HSDL2: variants seen among roughly 807,000 people sequenced by gnomAD.
HSDL2 encodes the protein hydroxysteroid dehydrogenase like 2, also known as hydroxysteroid dehydrogenase-like protein 2.
HSDL2 carries 27 observed loss-of-function variants against 46.3 expected under a neutral mutation model. The ratio of observed to expected loss-of-function variants is 0.58; its 90% CI spans 0.43 to 0.80. HSDL2 has a LOEUF of 0.80. HSDL2 is among the 30% of genes least tolerant of loss of function. HSDL2 has a pLI of 0.00. For missense variants in HSDL2, 451 were observed against 502.7 expected (o/e 0.90, Z 0.98); for synonymous variants, 153 against 163.6 (o/e 0.94, Z 0.50).
chr9:112,432,947 T>C (rs535941376), intron 6 of HSDL2, among the ~76,000 whole-genome samples: 29 of 152,138 alleles, frequency 1.9e-4, no homozygotes, highest in Admixed American at 1.4e-3. Context: ...TTTGTATTTT[T>C]TTTTTTAGTA....
rs547436713 is a variant in HSDL2 at position 112,450,136 on chromosome 9, A to G, written c.866-3877A>G. Among the ~76,000 whole-genome samples, 137 of 152,230 alleles carry G rather than the reference A, an allele frequency of 9.0e-4. 2 individuals are homozygous for G. The highest frequency in any genetic ancestry group is 3.2e-3 in the African/African-American group (131 of 41,536). On this transcript the variant is annotated intron_variant, in intron 8 of 10. Coordinates refer to ENST00000398805, the MANE Select transcript of HSDL2 (RefSeq NM_032303.5). ...GCATTTTAAATTAGTCTGTATAGAA[A>G]AGCTTAGTACGGGCAGGGTATAGGG...
At chr9:112,405,795 ATTTGT>A in intron 3 of HSDL2, 73 bp downstream of exon 3, 2 of 997,992 alleles carry the variant, frequency 2.0e-6, no homozygotes, top group Admixed American at 2.3e-5. Context: ...TAATTTAAAA[ATTTGT>A]TTTGAGTTTT....
chr9:112,380,127 C>T lies in HSDL2; in HGVS notation c.-37C>T. 6.4e-7 allele frequency: 1 copy of T among 1,551,154 alleles called. No individual in the cohort carries two copies. The highest frequency in any genetic ancestry group is 8.7e-7 in the Non-Finnish European group (1 of 1,144,040). On this transcript the variant is annotated 5_prime_UTR_variant, in exon 1 of 11. Transcript: ENST00000398805. The stretch of plus-strand genomic sequence containing the variant: ...AGCTTTAGCTCTCTGCTCGCCGCCG[C>T]CGCTGTCGCCGCCACCTCCTCTGAT...
chr9:112,435,208 A>ATTTC (rs995178910), intron 6 of HSDL2, among the ~76,000 whole-genome samples: 3 of 152,072 alleles, frequency 2.0e-5, no homozygotes, highest in African/African-American at 7.3e-5. Flanking sequence ...TTGGAGGAAC[A>ATTTC]TTTCTTATTC....
At chr9:112,446,111 A>T (rs1587959657) in intron 8 of HSDL2, among the ~76,000 whole-genome samples, 1 of 150,414 alleles carries the variant, frequency 6.6e-6, no homozygotes, top group Non-Finnish European at 1.5e-5. Flanking sequence ...GCATCAGGTT[A>T]TTTTTTTTTT....
intron 9 of HSDL2, among the ~76,000 whole-genome samples, chr9:112,454,565 G>A (rs1423298576): frequency 6.6e-6 from 1 of 152,068 alleles, no homozygotes; most frequent in African/African-American, 2.4e-5. Context: ...AGAAAATCCT[G>A]CTTAGAAGGG....
At chr9:112,392,678 T>C (rs1434327799) in intron 1 of HSDL2, among the ~76,000 whole-genome samples, 3 of 152,196 alleles carry the variant, frequency 2.0e-5, no homozygotes, top group Admixed American at 6.5e-5. Context: ...GACCTTATGG[T>C]TGTCTTCCCT....
rs780957603 is a variant in HSDL2 at position 112,436,960 on chromosome 9, C to CTTTTTT, written c.599-1459_599-1454dup. ...TTACTTCTCTTTCTTTTCTTTTTTT[C>CTTTTTT]TTTTTTTTTTTTTTTTTGAGACGGA... On this transcript the variant is annotated intron_variant, in intron 6 of 10. Coordinates refer to ENST00000398805, the MANE Select transcript of HSDL2 (RefSeq NM_032303.5). 1.1e-3 allele frequency among the ~76,000 whole-genome samples: 145 copies of CTTTTTT among 126,768 alleles called. 5 individuals are homozygous for CTTTTTT. The South Asian group carries it at 0.03, about 26-fold the overall frequency. 83.2% of individuals were successfully genotyped at this position (126,768 alleles called of 152,430 possible). A position where few individuals can be genotyped will look rare whatever the true frequency, so the allele number is the denominator to read the frequency against.
intron 9 of HSDL2, among the ~76,000 whole-genome samples, chr9:112,459,191 C>A (rs552422982): frequency 6.6e-6 from 1 of 152,124 alleles, no homozygotes; most frequent in Non-Finnish European, 1.5e-5. Flanking sequence ...TATCTTGATT[C>A]CTTAATGTGC....
At chr9:112,445,973 G>A (rs1275982238) in intron 8 of HSDL2, among the ~76,000 whole-genome samples, 2 of 152,172 alleles carry the variant, frequency 1.3e-5, no homozygotes, top group Non-Finnish European at 2.9e-5. Context: ...TGATGAATCT[G>A]TATTGACACA....
intron 10 of HSDL2, among the ~76,000 whole-genome samples, chr9:112,465,967 T>G (rs1282728619): frequency 6.6e-6 from 1 of 152,160 alleles, no homozygotes; most frequent in Non-Finnish European, 1.5e-5. Context: ...TGCCAAAAGG[T>G]TTTTCATAGT....
At chr9:112,452,557 G>C (rs1832912119) in intron 8 of HSDL2, among the ~76,000 whole-genome samples, 1 of 152,098 alleles carries the variant, frequency 6.6e-6, no homozygotes, top group Non-Finnish European at 1.5e-5. Flanking sequence ...GACCAGCCTG[G>C]CCAACATGGT....
chr9:112,449,588 G>A lies in HSDL2; in HGVS notation c.866-4425G>A, dbSNP rs539364749. Among the ~76,000 whole-genome samples the A allele has an allele frequency of 4.9e-4, 74 of 152,024 alleles. 1 individual carries two copies. The South Asian group carries it at 0.011, about 23-fold the overall frequency. ...CAAAAAATTCATCATTTTAGGCCGG[G>A]TGCGGTGGCTCATGCCTGTAATTCT... is the stretch of plus-strand genomic sequence containing the variant. On this transcript the variant is annotated intron_variant, in intron 8 of 10. Coordinates refer to ENST00000398805, the MANE Select transcript of HSDL2 (RefSeq NM_032303.5).
chr9:112,397,855 C>T (rs1379293424), intron 1 of HSDL2, among the ~76,000 whole-genome samples: 1 of 152,130 alleles, frequency 6.6e-6, no homozygotes, highest in Non-Finnish European at 1.5e-5. Context: ...GTACAAGCAT[C>T]CTTGAATTCT....
chr9:112,393,293 T>G (rs1335543712), intron 1 of HSDL2, among the ~76,000 whole-genome samples: 1 of 152,202 alleles, frequency 6.6e-6, no homozygotes, highest in African/African-American at 2.4e-5. Flanking sequence ...ATAAATGATC[T>G]TCCCTACCCA....
At chr9:112,431,000 C>A (rs920038865) in intron 6 of HSDL2, among the ~76,000 whole-genome samples, 1 of 144,742 alleles carries the variant, frequency 6.9e-6, no homozygotes, top group Non-Finnish European at 1.5e-5. Flanking sequence ...TACAGTGAGC[C>A]GAGATCACGC....
intron 1 of HSDL2, among the ~76,000 whole-genome samples, chr9:112,387,849 A>G (rs1180052412): frequency 1.3e-5 from 2 of 152,132 alleles, no homozygotes; most frequent in African/African-American, 4.8e-5. Context: ...TCATGAAGAA[A>G]TATCAGTTGA....
At chr9:112,467,851 C>T (rs1833439738) in intron 10 of HSDL2, among the ~76,000 whole-genome samples, 1 of 152,198 alleles carries the variant, frequency 6.6e-6, no homozygotes, top group Non-Finnish European at 1.5e-5. Flanking sequence ...CTCATTAAGC[C>T]TGCTACACAG....
At chr9:112,458,913 G>A (rs545292238) in intron 9 of HSDL2, among the ~76,000 whole-genome samples, 20 of 151,822 alleles carry the variant, frequency 1.3e-4, no homozygotes, top group Non-Finnish European at 2.2e-4. Flanking sequence ...CCCGGGAGGC[G>A]GAGCTTGCAG....
Sources: allele counts gnomAD v4.1 joint callset (sites outside exome capture counted in the v4.1 genomes callset), GRCh38; gene constraint gnomAD v4.1.1; transcripts MANE v1.5; gene names NCBI Gene and HGNC (gene_info 2026-07-23, HGNC 2026-07-21).